Variants in VTI1A observed in about 807,000 individuals in gnomAD.
VTI1A encodes vesicle transport through interaction with t-SNAREs homolog 1A.
VTI1A carries 22 observed loss-of-function variants against 34.9 expected under a neutral mutation model. The observed-to-expected ratio is 0.63, with a 90% CI of 0.45 to 0.90. VTI1A has a LOEUF of 0.90. Among genes scored for constraint, VTI1A ranks in the 40% least tolerant of loss-of-function variants. The pLI is 0.00. For missense variants in VTI1A, 268 were observed against 275.6 expected (o/e 0.97, Z 0.20); for synonymous variants, 87 against 97.3 (o/e 0.89, Z 0.62).
At chr10:112,520,879 C>T (rs1850001407) in intron 3 of VTI1A, among the ~76,000 whole-genome samples, 1 of 151,626 alleles carries the variant, frequency 6.6e-6, no homozygotes, top group Admixed American at 6.6e-5. Flanking sequence ...TTTTTTAAAA[C>T]TAATTTTTAA....
At chr10:112,608,836 CT>C (rs1216588978) in intron 5 of VTI1A, among the ~76,000 whole-genome samples, 1 of 152,126 alleles carries the variant, frequency 6.6e-6, no homozygotes, top group Non-Finnish European at 1.5e-5. Flanking sequence ...TTATTCTACT[CT>C]TTCCATATTG....
intron 5 of VTI1A, among the ~76,000 whole-genome samples, chr10:112,647,084 A>G (rs1846823128): frequency 2.0e-5 from 3 of 152,210 alleles, no homozygotes; most frequent in Admixed American, 1.3e-4. Context: ...CCTTTCTGGA[A>G]GAGTTCATTT....
At chr10:112,704,393 C>T (rs1184576960) in intron 7 of VTI1A, among the ~76,000 whole-genome samples, 5 of 151,588 alleles carry the variant, frequency 3.3e-5, no homozygotes, top group Non-Finnish European at 7.4e-5. Flanking sequence ...ATATATGACC[C>T]CACAGGGACA....
chr10:112,640,239 C>T (rs146414738), intron 5 of VTI1A, among the ~76,000 whole-genome samples: 1 of 152,180 alleles, frequency 6.6e-6, no homozygotes, highest in African/African-American at 2.4e-5. Context: ...CATATTAGGA[C>T]ATCTTTAATA....
intron 5 of VTI1A, among the ~76,000 whole-genome samples, chr10:112,543,745 G>T (rs1370800288): frequency 6.6e-6 from 1 of 152,194 alleles, no homozygotes; most frequent in Non-Finnish European, 1.5e-5. Flanking sequence ...TAGTAATGAA[G>T]TTCTTGCCCA....
chr10:112,560,019 G>A (rs963801574), intron 5 of VTI1A, among the ~76,000 whole-genome samples: 1 of 152,176 alleles, frequency 6.6e-6, no homozygotes, highest in Non-Finnish European at 1.5e-5. Context: ...GTAAAAGCTA[G>A]TTTGTCACTT....
chr10:112,733,130 A>G (rs771664383), intron 7 of VTI1A, among the ~76,000 whole-genome samples: 1 of 152,220 alleles, frequency 6.6e-6, no homozygotes, highest in South Asian at 2.1e-4. Context: ...TGGCACGTTC[A>G]GCTCTGGAAT....
chr10:112,642,493 G>T (rs1229540979), intron 5 of VTI1A, among the ~76,000 whole-genome samples: 1 of 152,134 alleles, frequency 6.6e-6, no homozygotes, highest in African/African-American at 2.4e-5. Context: ...AAATTTAAAA[G>T]CAGTTGCTGA....
intron 7 of VTI1A, among the ~76,000 whole-genome samples, chr10:112,796,430 T>G (rs1852678324): frequency 6.7e-6 from 1 of 148,628 alleles, no homozygotes; most frequent in Non-Finnish European, 1.5e-5. Context: ...AAGAAGGCTG[T>G]CATGTGTCTG....
chr10:112,671,437 C>G (rs148307858), intron 7 of VTI1A, among the ~76,000 whole-genome samples: 1 of 152,184 alleles, frequency 6.6e-6, no homozygotes. Context: ...CTGCATATAA[C>G]ATAAGCTTAT....
chr10:112,548,094 C>T (rs554748284), intron 5 of VTI1A, among the ~76,000 whole-genome samples: 62 of 152,248 alleles, frequency 4.1e-4, no homozygotes, highest in African/African-American at 1.4e-3. Context: ...CTTGACTGAA[C>T]TACTAATAGA....
chr10:112,630,359 C>A (rs1158384193), intron 5 of VTI1A, among the ~76,000 whole-genome samples: 1 of 152,124 alleles, frequency 6.6e-6, no homozygotes, highest in Non-Finnish European at 1.5e-5. Context: ...ACCCCTCCAG[C>A]CCTCTGAGGA....
chr10:112,447,109 A>G (rs1846850848), upstream of VTI1A: 4 of 477,170 alleles, frequency 8.4e-6, no homozygotes, highest in South Asian at 5.4e-5. Flanking sequence ...TTCTGGGGGG[A>G]GGCACTAATT....
At chr10:112,583,045 G>A (rs918240173) in intron 5 of VTI1A, among the ~76,000 whole-genome samples, 1 of 152,156 alleles carries the variant, frequency 6.6e-6, no homozygotes, top group Non-Finnish European at 1.5e-5. Flanking sequence ...AATCGTTTAA[G>A]TGGTTTCATG....
intron 5 of VTI1A, among the ~76,000 whole-genome samples, chr10:112,541,023 A>G (rs1850846608): frequency 6.6e-6 from 1 of 152,168 alleles, no homozygotes; most frequent in Admixed American, 6.5e-5. Context: ...CATAAAACAT[A>G]TTTTATTAAT....
intron 3 of VTI1A, among the ~76,000 whole-genome samples, chr10:112,496,836 CAG>C (rs898322882): frequency 2.6e-5 from 4 of 152,152 alleles, no homozygotes; most frequent in African/African-American, 7.2e-5. Context: ...TATTTTTCAG[CAG>C]AGTTTTTTTT....
At chr10:112,807,895 T>C (rs1853143766) in intron 7 of VTI1A, among the ~76,000 whole-genome samples, 1 of 151,100 alleles carries the variant, frequency 6.6e-6, no homozygotes, top group African/African-American at 2.4e-5. Flanking sequence ...CTCTAATGAA[T>C]CACATCCACA....
intron 5 of VTI1A, among the ~76,000 whole-genome samples, chr10:112,654,905 GC>G (rs1375300004): frequency 2.6e-5 from 4 of 152,148 alleles, no homozygotes; most frequent in Non-Finnish European, 5.9e-5. Context: ...GTTTTTGTCT[GC>G]CTCATGATAT....
At chr10:112,717,101 T>G (rs1387236033) in intron 7 of VTI1A, among the ~76,000 whole-genome samples, 1 of 152,194 alleles carries the variant, frequency 6.6e-6, no homozygotes, top group East Asian at 1.9e-4. Context: ...AATCTAGAGA[T>G]TCCACCGAAG....
Sources: gnomAD v4.1 joint callset for allele counts (sites outside exome capture counted in the v4.1 genomes callset) on GRCh38, gnomAD v4.1.1 for gene constraint, MANE v1.5 for transcripts, NCBI Gene and HGNC (gene_info 2026-07-23, HGNC 2026-07-21) for gene names.